RGS6: variants seen among roughly 807,000 people sequenced by gnomAD.
RGS6 encodes the protein regulator of G protein signaling 6, also known as regulator of G-protein signaling 6.
A neutral mutation model predicts 78.5 loss-of-function variants in RGS6; 30 were observed. That is an observed-to-expected ratio of 0.38 (90% CI 0.29 to 0.52). The LOEUF (loss-of-function observed/expected upper bound fraction) is 0.52, where lower values mean the gene tolerates loss of function less well. RGS6 is among the 20% of genes least tolerant of loss of function. The probability of loss-of-function intolerance (pLI) is 0.85; values close to 1 mark genes in which losing one functional copy is unlikely to be tolerated. For missense variants in RGS6, 495 were observed against 609.7 expected, an observed-to-expected ratio of 0.81 and a Z score of 1.98; for synonymous variants, 206 against 206.0, an observed-to-expected ratio of 1.00 and a Z score of 0.00.
chr14:72,381,321 GATAA>G (rs1314732560), intron 3 of RGS6, among the ~76,000 whole-genome samples: 1 of 151,982 alleles, frequency 6.6e-6, no homozygotes, highest in African/African-American at 2.4e-5. Flanking sequence ...CACAAAAAAA[GATAA>G]ATGTTTGAGA....
At chr14:71,890,352 A>T in the RGS6 span, among the ~76,000 whole-genome samples, 127 of 60,826 alleles carry the variant, frequency 2.1e-3, 1 homozygote, top group Middle Eastern at 0.017. Context: ...GTGCGTGTGC[A>T]TAAGACAGAG....
the RGS6 span, among the ~76,000 whole-genome samples, chr14:72,627,219 T>A: frequency 1.3e-5 from 2 of 152,108 alleles, no homozygotes; most frequent in Non-Finnish European, 2.9e-5. Flanking sequence ...TTTGAAAACC[T>A]TTTCCTGTAT....
chr14:72,541,092 A>G, intron 17 of RGS6: 1 of 1,357,274 alleles, frequency 7.4e-7, no homozygotes, highest in Non-Finnish European at 9.7e-7. Context: ...TGAACATCAA[A>G]CCAGAGGGAA....
At chr14:71,935,097 C>T (rs1257519631) in intron 1 of RGS6, among the ~76,000 whole-genome samples, 1 of 152,128 alleles carries the variant, frequency 6.6e-6, no homozygotes, top group African/African-American at 2.4e-5. Flanking sequence ...CAAATTTCAT[C>T]TTCTTTGTAA....
intron 2 of RGS6, among the ~76,000 whole-genome samples, chr14:72,191,936 G>A (rs997085089): frequency 2.6e-5 from 4 of 152,152 alleles, no homozygotes; most frequent in African/African-American, 9.7e-5. Context: ...CCCCAAGGTG[G>A]GATCAGGCTC....
chr14:72,618,672 T>C, the RGS6 span, among the ~76,000 whole-genome samples: 2 of 152,126 alleles, frequency 1.3e-5, no homozygotes, highest in African/African-American at 4.8e-5. Flanking sequence ...CTAGTAACTT[T>C]AAGCAGTGGC....
intron 2 of RGS6, among the ~76,000 whole-genome samples, chr14:72,123,661 A>C (rs2096114619): frequency 1.3e-5 from 2 of 152,222 alleles, no homozygotes; most frequent in Non-Finnish European, 2.9e-5. Flanking sequence ...ATGCTGAAAA[A>C]TTAATAAGAG....
chr14:72,124,337 A>G (rs542947259), intron 2 of RGS6, among the ~76,000 whole-genome samples: 14 of 152,326 alleles, frequency 9.2e-5, no homozygotes, highest in African/African-American at 3.4e-4. Context: ...GCAGGAAACC[A>G]CTACAGGCAA....
At chr14:72,556,310 G>A (rs1172493634) in intron 17 of RGS6, among the ~76,000 whole-genome samples, 1 of 152,134 alleles carries the variant, frequency 6.6e-6, no homozygotes, top group Admixed American at 6.5e-5. Context: ...GAGAGCGAGT[G>A]TGTATTAACA....
At chr14:72,036,363 C>T (rs72737809) in intron 2 of RGS6, among the ~76,000 whole-genome samples, 12,277 of 151,750 alleles carry the variant, frequency 0.081, 537 homozygotes, top group East Asian at 0.17. Flanking sequence ...TATAATCATT[C>T]TTATACAGGT....
chr14:71,973,562 G>A, intron 2 of RGS6, among the ~76,000 whole-genome samples: 1 of 152,134 alleles, frequency 6.6e-6, no homozygotes, highest in East Asian at 1.9e-4. Flanking sequence ...GCACACGCCT[G>A]TAATCCCAGC....
chr14:72,160,390 C>T (rs1018860937), intron 2 of RGS6, among the ~76,000 whole-genome samples: 7 of 152,144 alleles, frequency 4.6e-5, no homozygotes, highest in Admixed American at 2.0e-4. Context: ...ATTTGATTCA[C>T]ACGTGATCTT....
chr14:72,561,371 A>G (rs2097674262), intron 17 of RGS6, among the ~76,000 whole-genome samples: 1 of 152,156 alleles, frequency 6.6e-6, no homozygotes, highest in African/African-American at 2.4e-5. Context: ...ACTGTCAATA[A>G]TATGGGTTTG....
intron 2 of RGS6, among the ~76,000 whole-genome samples, chr14:72,268,927 C>T (rs1261551695): frequency 6.6e-6 from 1 of 152,168 alleles, no homozygotes; most frequent in Non-Finnish European, 1.5e-5. Flanking sequence ...GTGACTTGCC[C>T]AGTAACACAC....
rs115444118 is a variant in RGS6, at chr14:72,545,808, C to T, written c.1422+5714C>T. Among the ~76,000 whole-genome samples, 1,279 of 152,124 alleles carry T rather than the reference C, an allele frequency of 8.4e-3. 15 individuals carry two copies. Among genetic ancestry groups the T allele is most frequent in the African/African-American group, 0.029 (1,191 of 41,504 alleles). On this transcript the variant is annotated intron_variant, in intron 17 of 17. Transcript: ENST00000553525. ...CAGGGTTCACTCGTCCACGGTGAGT[C>T]GCCGGAGGGTCAGGGAGGACTCACA...
intron 2 of RGS6, among the ~76,000 whole-genome samples, chr14:72,192,822 T>C (rs1228652510): frequency 6.6e-6 from 1 of 152,180 alleles, no homozygotes; most frequent in African/African-American, 2.4e-5. Flanking sequence ...GGCTCTCTTA[T>C]TAGCCTTCAG....
At chr14:72,252,128 T>C (rs757681348) in intron 2 of RGS6, among the ~76,000 whole-genome samples, 13 of 152,190 alleles carry the variant, frequency 8.5e-5, no homozygotes, top group Non-Finnish European at 1.8e-4. Flanking sequence ...TTCAGACCTG[T>C]GGAAGATCCC....
intron 2 of RGS6, among the ~76,000 whole-genome samples, chr14:72,147,384 G>A (rs563384992): frequency 3.3e-5 from 5 of 152,340 alleles, no homozygotes; most frequent in Admixed American, 2.6e-4. Context: ...AAGAAAGCCA[G>A]CGTCTGGCAA....
chr14:71,996,594 A>G (rs1249627935), intron 2 of RGS6, among the ~76,000 whole-genome samples: 1 of 152,178 alleles, frequency 6.6e-6, no homozygotes, highest in Non-Finnish European at 1.5e-5. Context: ...CTAATGTCCC[A>G]GTAAAATTGG....
Sources: allele counts gnomAD v4.1 joint callset (sites outside exome capture counted in the v4.1 genomes callset), GRCh38; gene constraint gnomAD v4.1.1; transcripts MANE v1.5; gene names NCBI Gene and HGNC (gene_info 2026-07-23, HGNC 2026-07-21).